GAS7: variants seen among roughly 807,000 people sequenced by gnomAD.
The protein encoded by GAS7 is growth arrest-specific protein 7.
In GAS7, 28 loss-of-function variants were observed where a neutral mutation model predicts 71.1. The observed-to-expected ratio is 0.39, with a 90% CI of 0.29 to 0.54. The LOEUF (loss-of-function observed/expected upper bound fraction) is 0.54. Ranked by LOEUF, GAS7 falls within the 20% of genes least tolerant of loss-of-function variation. The probability of loss-of-function intolerance (pLI) is 0.62; values close to 1 mark genes in which losing one functional copy is unlikely to be tolerated. For synonymous variants in GAS7, 258 were observed against 245.8 expected, an observed-to-expected ratio of 1.05 and a Z score of -0.46; for missense variants, 436 against 627.8, an observed-to-expected ratio of 0.69 and a Z score of 3.27.
At chr17:10,149,206 G>A (rs751001080) in intron 1 of GAS7, among the ~76,000 whole-genome samples, 3 of 152,116 alleles carry the variant, frequency 2.0e-5, no homozygotes, top group Non-Finnish European at 4.4e-5. Flanking sequence ...GGGTTTAAGC[G>A]ATTCTGCTGC....
intron 1 of GAS7, among the ~76,000 whole-genome samples, chr17:10,159,719 T>G (rs954191945): frequency 4.0e-5 from 6 of 151,850 alleles, no homozygotes; most frequent in Admixed American, 2.0e-4. Flanking sequence ...GTGTCTGACG[T>G]AGATGCTCAT....
intron 5 of GAS7, among the ~76,000 whole-genome samples, chr17:9,948,501 G>A (rs1173582257): frequency 6.6e-6 from 1 of 152,178 alleles, no homozygotes; most frequent in Non-Finnish European, 1.5e-5. Context: ...TGACCAATAT[G>A]GTGAAACCCC....
intron 4 of GAS7, among the ~76,000 whole-genome samples, chr17:9,964,903 C>G (rs4791379): frequency 6.6e-6 from 1 of 152,124 alleles, no homozygotes. Flanking sequence ...CATCTCACCT[C>G]TTTCTCCACT....
rs751305128 is a variant in GAS7 at position 9,974,883 on chromosome 17, G to A, written c.386-5121C>T. The stretch of plus-strand genomic sequence containing the variant: ...AGCTCGGCTTCCATATCTCAGTACC[G>A]ATCCCTGAGGGAAAAAGTCGCATCC... On this transcript the variant is annotated intron_variant, in intron 3 of 13. Coordinates refer to ENST00000432992, the MANE Select transcript of GAS7 (RefSeq NM_201433.2). This position sits in a 1 kb window ranked among gnomAD's most constrained non-coding sequence, Gnocchi z 4.0. Among the ~76,000 whole-genome samples, 9 of 152,246 alleles carry A rather than the reference G, an allele frequency of 5.9e-5. No homozygotes were observed. Among genetic ancestry groups the A allele is most frequent in the South Asian group, 2.1e-4 (1 of 4,820 alleles).
At chr17:10,100,624 G>A (rs1430478378) in intron 1 of GAS7, among the ~76,000 whole-genome samples, 1 of 150,226 alleles carries the variant, frequency 6.7e-6, no homozygotes, top group Non-Finnish European at 1.5e-5. Flanking sequence ...CCCAGGTGGT[G>A]AGGATGGGGC....
intron 1 of GAS7, among the ~76,000 whole-genome samples, chr17:10,052,673 C>T (rs754746983): frequency 1.3e-5 from 2 of 152,234 alleles, no homozygotes; most frequent in Non-Finnish European, 2.9e-5. Context: ...CACGCACTCA[C>T]GCTCAGTCAC....
chr17:10,118,854 G>A (rs2073883837), intron 1 of GAS7, among the ~76,000 whole-genome samples: 1 of 152,096 alleles, frequency 6.6e-6, no homozygotes, highest in South Asian at 2.1e-4. Context: ...CCCAGAGGAG[G>A]CAAGTGTTCC....
chr17:10,009,586 C>G (rs1044816815), intron 2 of GAS7, among the ~76,000 whole-genome samples: 1 of 150,930 alleles, frequency 6.6e-6, no homozygotes, highest in Non-Finnish European at 1.5e-5. Context: ...TGCCTGTAAT[C>G]CCAACATTTT....
At chr17:10,031,611 C>T (rs1196259491) in intron 1 of GAS7, among the ~76,000 whole-genome samples, 1 of 152,204 alleles carries the variant, frequency 6.6e-6, no homozygotes, top group Non-Finnish European at 1.5e-5. Flanking sequence ...TCCTGCATGA[C>T]CCTTCCTCCT....
intron 1 of GAS7, among the ~76,000 whole-genome samples, chr17:10,133,605 G>A (rs555051730): frequency 1.1e-4 from 17 of 151,966 alleles, no homozygotes; most frequent in South Asian, 4.2e-4. Context: ...AATATAATAC[G>A]CTATTATTAA....
At chr17:10,179,800 C>A (rs1334684181) in intron 1 of GAS7, among the ~76,000 whole-genome samples, 1 of 152,134 alleles carries the variant, frequency 6.6e-6, no homozygotes, top group Non-Finnish European at 1.5e-5. Flanking sequence ...AAGGTCCCCA[C>A]CCAAAATGGT....
At chr17:10,082,693 G>A (rs1346080858) in intron 1 of GAS7, among the ~76,000 whole-genome samples, 1 of 152,152 alleles carries the variant, frequency 6.6e-6, no homozygotes, top group Non-Finnish European at 1.5e-5. Flanking sequence ...ATACACAAAT[G>A]TTCACAGCAG....
chr17:9,952,498 T>A (rs1382894098), intron 5 of GAS7, among the ~76,000 whole-genome samples: 1 of 152,166 alleles, frequency 6.6e-6, no homozygotes, highest in Non-Finnish European at 1.5e-5. Flanking sequence ...TTCAAGCGAT[T>A]CTCCTGCTTC....
intron 9 of GAS7, among the ~76,000 whole-genome samples, chr17:9,932,192 C>G (rs528207075): frequency 1.7e-3 from 228 of 137,756 alleles, no homozygotes; most frequent in African/African-American, 5.7e-3. Context: ...AGGTCCCCCC[C>G]GCTTTTTTTT....
At chr17:10,019,432 A>G (rs151143194) in intron 2 of GAS7, among the ~76,000 whole-genome samples, 3 of 152,154 alleles carry the variant, frequency 2.0e-5, no homozygotes, top group Non-Finnish European at 2.9e-5. Context: ...TATTCAAGCC[A>G]GCTGTTGACC....
At chr17:10,015,439 G>A (rs944497017) in intron 2 of GAS7, among the ~76,000 whole-genome samples, 6 of 152,148 alleles carry the variant, frequency 3.9e-5, no homozygotes, top group Admixed American at 2.0e-4. Flanking sequence ...CCTGGAGAGC[G>A]ACAGAGCAAA....
chr17:10,009,298 G>C (rs534913211), intron 2 of GAS7, among the ~76,000 whole-genome samples: 33 of 142,774 alleles, frequency 2.3e-4, no homozygotes, highest in Admixed American at 1.1e-3. Context: ...TCCAGTCTGG[G>C]CGACAGAGCG....
chr17:9,947,431 G>T (rs186285065), intron 5 of GAS7, among the ~76,000 whole-genome samples: 224 of 152,286 alleles, frequency 1.5e-3, no homozygotes, highest in African/African-American at 5.3e-3. Flanking sequence ...AAAGGACATG[G>T]TGATGAAGTT....
chr17:10,112,511 G>A (rs1464901528), intron 1 of GAS7, among the ~76,000 whole-genome samples: 1 of 152,124 alleles, frequency 6.6e-6, no homozygotes, highest in Non-Finnish European at 1.5e-5. Flanking sequence ...TGAGGTGGGT[G>A]GATCACCTGA....
Sources: allele counts gnomAD v4.1 joint callset (sites outside exome capture counted in the v4.1 genomes callset), GRCh38; gene constraint gnomAD v4.1.1; non-coding constraint Gnocchi (gnomAD v3.1); transcripts MANE v1.5; gene names NCBI Gene and HGNC (gene_info 2026-07-23, HGNC 2026-07-21).